Variants in SEC22C observed in about 807,000 individuals in gnomAD.
SEC22C encodes vesicle-trafficking protein SEC22c.
Under a neutral mutation model 34.7 loss-of-function variants are expected in SEC22C, and 29 were observed. That is an observed-to-expected ratio of 0.84 (90% CI 0.62 to 1.14). The LOEUF is 1.14. Among genes scored for constraint, SEC22C ranks in the 50% most tolerant of loss-of-function variants. The pLI is 0.00. For synonymous variants in SEC22C, 117 were observed against 132.8 expected (o/e 0.88, Z 0.82); for missense variants, 337 against 369.0 (o/e 0.91, Z 0.71).
chr3:42,563,329 C>T (rs959722294), intron 3 of SEC22C, among the ~76,000 whole-genome samples, 194 bp downstream of exon 3: 21 of 152,334 alleles, frequency 1.4e-4, no homozygotes, highest in South Asian at 4.1e-4. Context: ...AGATGAAAAG[C>T]CAGAGTGTTA....
chr3:42,587,668 G>A (rs665206), intron 1 of SEC22C: 37,194 of 151,752 alleles, frequency 0.25, 5,154 homozygotes, highest in East Asian at 0.47. Flanking sequence ...CCTGGGAGGC[G>A]GAGCTTGCAG....
rs570393965 is a variant in SEC22C, at chr3:42,551,775, AACAAT to A, written c.*1468_*1472del. 1.9e-4 allele frequency: 183 copies of A among 970,564 alleles called. 2 individuals are homozygous for A. The African/African-American group carries it at 2.6e-3, about 14-fold the overall frequency. The allele number at this position is 970,564 out of a possible 1,614,324, so 60.1% of individuals were successfully genotyped here. On this transcript the variant is annotated 3_prime_UTR_variant, in exon 7 of 7. Coordinates refer to ENST00000264454, the MANE Select transcript of SEC22C (RefSeq NM_032970.4). ...TAAAATGATAACAAGGTAGCTCAATAACAATACAATACCAGTGATAACCAAATATA... is the reference window on the plus strand; with the variant it reads ...TAAAATGATAACAAGGTAGCTCAATAACAATACCAGTGATAACCAAATATA...
intron 3 of SEC22C, 81 bp downstream of exon 3, chr3:42,563,442 G>A: frequency 7.8e-7 from 1 of 1,286,554 alleles, no homozygotes; most frequent in South Asian, 1.4e-5. Flanking sequence ...TTCCTTGATG[G>A]TCAAAGCCAA....
intron 2 of SEC22C, among the ~76,000 whole-genome samples, chr3:42,567,648 G>C (rs1703332146): frequency 6.6e-6 from 1 of 152,034 alleles, no homozygotes; most frequent in Non-Finnish European, 1.5e-5. Flanking sequence ...TACTTCCAAT[G>C]GAACATTTTC....
chr3:42,592,186 G>A (rs748163223), intron 1 of SEC22C, among the ~76,000 whole-genome samples: 1 of 151,752 alleles, frequency 6.6e-6, no homozygotes, highest in Non-Finnish European at 1.5e-5. Flanking sequence ...CAGGTATTAC[G>A]CCCATTTTTT....
At position 42,548,292 on chromosome 3, in the gene SEC22C, T is replaced by C. The variant is rs536550907; in HGVS notation, c.*4956A>G. ...TAGAATCCTGGGGGATCAAATCATA[T>C]GAATGATTCATGAAATAACACTTCT... is the stretch of plus-strand genomic sequence containing the variant. On this transcript the variant is annotated 3_prime_UTR_variant, in exon 7 of 7. Transcript: ENST00000264454. 5.8e-5 allele frequency: 17 copies of C among 294,942 alleles called. No individual in the cohort carries two copies. The highest frequency in any genetic ancestry group is 9.1e-5 in the Admixed American group (2 of 22,018). 18.3% of individuals were successfully genotyped at this position (294,942 alleles called of 1,614,324 possible).
rs138790176 is a variant in SEC22C at position 42,601,045 on chromosome 3, C to T, written c.-113G>A. 6.3e-6 allele frequency: 10 copies of T among 1,581,840 alleles called. No homozygotes were observed. The African/African-American group carries it at 8.2e-5, about 13-fold the overall frequency. On this transcript the variant is annotated 5_prime_UTR_variant, in exon 1 of 7. Coordinates refer to the SEC22C transcript ENST00000417572. ...ACCGGCCGCAGTGCCACTTCGACATCGAGATCAACCGGGAGCCGGGTGAGC... is the reference window on the plus strand; with the variant it reads ...ACCGGCCGCAGTGCCACTTCGACATTGAGATCAACCGGGAGCCGGGTGAGC...
chr3:42,587,124 T>C (rs1238207106), intron 1 of SEC22C, among the ~76,000 whole-genome samples: 1 of 152,228 alleles, frequency 6.6e-6, no homozygotes, highest in Non-Finnish European at 1.5e-5. Context: ...CTTGTCACTG[T>C]TCTTTTTGTT....
In SEC22C at chr3:42,557,602, A is replaced by T. The variant is rs200379941; in HGVS notation, c.621T>A (p.Val207=). Residue 207 remains valine (V), a synonymous_variant, in exon 5 of 7, where the codon GTT becomes GTA. Transcript: ENST00000264454. ...MCAALNLIRG[V]HLAEHSLQVA... ...CCTGTAAAGAATGTTCTGCAAGGTGAACTCCTCGAATGAGATTCAGGGCAG... is the reference window on the plus strand; with the variant it reads ...CCTGTAAAGAATGTTCTGCAAGGTGTACTCCTCGAATGAGATTCAGGGCAG... 6.3e-7 allele frequency: 1 copy of T among 1,591,040 alleles called. No homozygotes were observed. The highest frequency in any genetic ancestry group is 2.2e-5 in the East Asian group (1 of 44,598).
At chr3:42,579,073 T>C (rs1577352531) in intron 1 of SEC22C, among the ~76,000 whole-genome samples, 1 of 151,638 alleles carries the variant, frequency 6.6e-6, no homozygotes, top group Middle Eastern at 3.4e-3. Flanking sequence ...AGGTCGGGAG[T>C]TCGAGAACAG....
rs556457508 is a variant in SEC22C, at chr3:42,553,359, G to T, written c.801C>A (p.His267Gln). Reference protein sequence around the residue: ...LFICLGNMYLHGLRNLWQILF... With the variant: ...LFICLGNMYLQGLRNLWQILF... ...GGATTTGCCAGAGGTTCCTCAGCCC[G>T]TGCAGGTACATGTTGCCCAGGCAAA... Residue 267 changes from histidine (H) to glutamine (Q), a missense_variant, in exon 7 of 7, where the codon CAC (histidine) becomes CAA (glutamine). By Grantham distance (24) the His-to-Gln change is conservative (BLOSUM62 0). Coordinates refer to ENST00000264454, the MANE Select transcript of SEC22C (RefSeq NM_032970.4). The T allele has an allele frequency of 3.6e-5, 58 of 1,614,004 alleles. No homozygotes were observed. Among genetic ancestry groups the T allele is most frequent in the Non-Finnish European group, 4.7e-5 (56 of 1,180,032 alleles).
chr3:42,556,747 G>A (rs550601442), intron 5 of SEC22C, among the ~76,000 whole-genome samples: 2 of 152,174 alleles, frequency 1.3e-5, no homozygotes, highest in African/African-American at 2.4e-5. Context: ...TTTTGAGACG[G>A]AGTTTTGCTT....
intron 1 of SEC22C, chr3:42,600,702 C>A (rs751119584): frequency 4.1e-6 from 1 of 244,782 alleles, no homozygotes; most frequent in Non-Finnish European, 7.8e-6. Flanking sequence ...GTTCCGTTAG[C>A]GGCGTTGGGG....
At chr3:42,578,883 T>G (rs1313536267) in intron 1 of SEC22C, among the ~76,000 whole-genome samples, 1 of 152,234 alleles carries the variant, frequency 6.6e-6, no homozygotes, top group Admixed American at 6.5e-5. Flanking sequence ...CACTTTATAG[T>G]GAATAGCTCC....
At chr3:42,584,411 C>A (rs569920692), upstream of SEC22C, among the ~76,000 whole-genome samples, 1 of 152,150 alleles carries the variant, frequency 6.6e-6, no homozygotes, top group African/African-American at 2.4e-5. Context: ...TCTGCCAACA[C>A]GCCCAGCTAA....
In SEC22C at chr3:42,563,797, C is replaced by T. The variant is rs374271713; in HGVS notation, c.183-111G>A. On this transcript the variant is annotated intron_variant, in intron 2 of 6. Coordinates refer to ENST00000264454, the MANE Select transcript of SEC22C (RefSeq NM_032970.4). ...CTGCACTTGCTTGGCTTTAAACAGTCCTGTAGCTGTTTGCTGCAGGTATAT... is the reference window on the plus strand; with the variant it reads ...CTGCACTTGCTTGGCTTTAAACAGTTCTGTAGCTGTTTGCTGCAGGTATAT... 104 of 1,559,432 alleles carry T rather than the reference C, an allele frequency of 6.7e-5. 4 individuals are homozygous for T. The South Asian group carries it at 1.1e-3, about 17-fold the overall frequency.
intron 1 of SEC22C, among the ~76,000 whole-genome samples, chr3:42,588,653 G>A (rs1704705174): frequency 1.3e-5 from 2 of 152,234 alleles, no homozygotes; most frequent in South Asian, 2.1e-4. Flanking sequence ...AGTATAGGCC[G>A]GGCATGGTGG....
Position 42,551,295 on chromosome 3 carries a change from A to G in SEC22C, c.*1953T>C. On this transcript the variant is annotated 3_prime_UTR_variant, in exon 7 of 7. Transcript: ENST00000264454. ...AATTATGCAGATGTGAAATCAGTGT[A>G]GAGACAACTTTGGAGTTTATGTCTG... 2 of 985,442 alleles carry G rather than the reference A, an allele frequency of 2.0e-6. No homozygotes were observed. 61.0% of individuals were successfully genotyped at this position (985,442 alleles called of 1,614,324 possible).
At chr3:42,599,371 T>C (rs1705174151) in intron 1 of SEC22C, among the ~76,000 whole-genome samples, 1 of 151,618 alleles carries the variant, frequency 6.6e-6, no homozygotes, top group African/African-American at 2.4e-5. Flanking sequence ...ACATATATGG[T>C]CACAAGGCGA....
Sources: gnomAD v4.1 joint callset for allele counts (sites outside exome capture counted in the v4.1 genomes callset) on GRCh38, gnomAD v4.1.1 for gene constraint, MANE v1.5 for transcripts, NCBI Gene and HGNC (gene_info 2026-07-23, HGNC 2026-07-21) for gene names.